VTI1A: variants seen among roughly 807,000 people sequenced by gnomAD.
VTI1A encodes the protein vesicle transport through interaction with t-SNAREs homolog 1A.
Under a neutral mutation model 34.9 loss-of-function variants are expected in VTI1A, and 22 were observed. That is an observed-to-expected ratio of 0.63 (90% CI 0.45 to 0.90). VTI1A has a LOEUF of 0.90. Among genes scored for constraint, VTI1A ranks in the 40% least tolerant of loss-of-function variants. The pLI is 0.00. For missense variants in VTI1A, 268 were observed against 275.6 expected (o/e 0.97, Z 0.20); for synonymous variants, 87 against 97.3 (o/e 0.89, Z 0.62).
In VTI1A at chr10:112,489,888, A is replaced by G. The variant is rs72821885; in HGVS notation, c.264+25231A>G. ...ACTTTGCCTTTTTAATCCCATTTTG[A>G]TCAAATTCCTCACAATAAAAAATAT... is the stretch of plus-strand genomic sequence containing the variant. On this transcript the variant is annotated intron_variant, in intron 3 of 7. Transcript: ENST00000393077. Among the ~76,000 whole-genome samples, 578 of 152,250 alleles carry G rather than the reference A, an allele frequency of 3.8e-3. 2 individuals carry two copies. Among genetic ancestry groups the G allele is most frequent in the Non-Finnish European group, 5.6e-3 (383 of 68,024 alleles).
intron 7 of VTI1A, among the ~76,000 whole-genome samples, chr10:112,770,072 T>G (rs951344657): frequency 1.4e-4 from 22 of 152,102 alleles, no homozygotes; most frequent in Admixed American, 1.2e-3. Context: ...TTTTTTAATT[T>G]CAAACCGAGC....
At chr10:112,500,852 A>T (rs1053546042) in intron 3 of VTI1A, among the ~76,000 whole-genome samples, 2 of 152,064 alleles carry the variant, frequency 1.3e-5, no homozygotes, top group African/African-American at 4.8e-5. Context: ...GGCCTCAGTT[A>T]TTTTATACAT....
intron 7 of VTI1A, among the ~76,000 whole-genome samples, chr10:112,695,650 A>G (rs1436170234): frequency 6.6e-6 from 1 of 152,202 alleles, no homozygotes; most frequent in Admixed American, 6.5e-5. Flanking sequence ...ATTCCAGGAA[A>G]GGTACAAAGC....
intron 7 of VTI1A, among the ~76,000 whole-genome samples, chr10:112,696,617 T>A (rs1848799935): frequency 6.6e-6 from 1 of 152,204 alleles, no homozygotes; most frequent in African/African-American, 2.4e-5. Flanking sequence ...TAAGAAAACC[T>A]ATGAGCAACT....
chr10:112,544,493 G>A (rs765657364), intron 5 of VTI1A, among the ~76,000 whole-genome samples: 6 of 152,104 alleles, frequency 3.9e-5, no homozygotes, highest in Non-Finnish European at 7.3e-5. Context: ...GATCCACCAC[G>A]CCCGGCTGAG....
chr10:112,814,112 A>T (rs938300476), intron 7 of VTI1A, among the ~76,000 whole-genome samples: 1 of 152,230 alleles, frequency 6.6e-6, no homozygotes, highest in African/African-American at 2.4e-5. Context: ...TCATCTAGGA[A>T]GTAGAAAATA....
chr10:112,751,630 C>A lies in VTI1A; in HGVS notation c.561-63660C>A, dbSNP rs141517809. 4.5e-3 allele frequency among the ~76,000 whole-genome samples: 685 copies of A among 152,128 alleles called. 7 individuals are homozygous for A. The highest frequency in any genetic ancestry group is 0.016 in the African/African-American group (655 of 41,478). On this transcript the variant is annotated intron_variant, in intron 7 of 7. Coordinates refer to ENST00000393077, the MANE Select transcript of VTI1A (RefSeq NM_145206.4). ...GTAGTTTCTTTGGAGGCAATTGTAG[C>A]CACTTTTGTAAATAGGACCAATAAA...
intron 7 of VTI1A, among the ~76,000 whole-genome samples, chr10:112,679,532 A>G (rs565218848): frequency 3.9e-5 from 6 of 152,164 alleles, no homozygotes; most frequent in African/African-American, 1.4e-4. Flanking sequence ...TAAAAAGGCT[A>G]ATGACTTCTT....
At chr10:112,722,742 A>G (rs6585180) in intron 7 of VTI1A, among the ~76,000 whole-genome samples, 33,396 of 151,966 alleles carry the variant, frequency 0.22, 8,088 homozygotes, top group African/African-American at 0.6. Context: ...CAAATGAATC[A>G]TATTCTCTAG....
chr10:112,456,277 C>A (rs1847521160), intron 1 of VTI1A, among the ~76,000 whole-genome samples: 1 of 151,998 alleles, frequency 6.6e-6, no homozygotes, highest in East Asian at 1.9e-4. Context: ...CAAAAATTAG[C>A]TGTGTGTGGT....
rs1207081197 is a variant in VTI1A, at chr10:112,657,269, T to C, written c.428-10949T>C. ...AGGCCTGTTCTCTTCCTGTATCCAT[T>C]GTCCTATATTTTTCAGGCTTAATAA... On this transcript the variant is annotated intron_variant, in intron 5 of 7. Transcript: ENST00000393077. 4.6e-5 allele frequency among the ~76,000 whole-genome samples: 7 copies of C among 152,236 alleles called. No individual in the cohort carries two copies. The South Asian group carries it at 1.4e-3, about 32-fold the overall frequency.
rs547034003 is a variant in VTI1A at position 112,688,210 on chromosome 10, T to C, written c.560+19212T>C. On this transcript the variant is annotated intron_variant, in intron 7 of 7. Coordinates refer to ENST00000393077, the MANE Select transcript of VTI1A (RefSeq NM_145206.4). Reference sequence around the variant, plus strand: ...CTCAGGTAATCTGCCCGCCTCAGCCTCCCAAAGTGCTGGGATTATATGTGT... The same window carrying C: ...CTCAGGTAATCTGCCCGCCTCAGCCCCCCAAAGTGCTGGGATTATATGTGT... Among the ~76,000 whole-genome samples, 125 of 152,114 alleles carry C rather than the reference T, an allele frequency of 8.2e-4. 4 individuals carry two copies. The highest frequency in any genetic ancestry group is 7.3e-3 in the Admixed American group (111 of 15,272).
intron 7 of VTI1A, among the ~76,000 whole-genome samples, chr10:112,681,230 C>T (rs1352162778): frequency 6.6e-6 from 1 of 151,926 alleles, no homozygotes; most frequent in Non-Finnish European, 1.5e-5. Flanking sequence ...TACAGGTCCA[C>T]CTCACACACC....
At chr10:112,852,162 G>A in the VTI1A span, among the ~76,000 whole-genome samples, 1 of 152,004 alleles carries the variant, frequency 6.6e-6, no homozygotes, top group Non-Finnish European at 1.5e-5. Context: ...ATACTCTCAT[G>A]GATTAAATAT....
At chr10:112,649,079 A>G (rs994876775) in intron 5 of VTI1A, among the ~76,000 whole-genome samples, 5 of 152,160 alleles carry the variant, frequency 3.3e-5, no homozygotes, top group African/African-American at 9.7e-5. Context: ...TGACTAGCTA[A>G]CTAATAAAGA....
At chr10:112,848,885 G>T in the VTI1A span, among the ~76,000 whole-genome samples, 1 of 152,212 alleles carries the variant, frequency 6.6e-6, no homozygotes, top group Admixed American at 6.5e-5. Flanking sequence ...GAGTTCACTA[G>T]CCATAAAGGG....
intron 7 of VTI1A, among the ~76,000 whole-genome samples, chr10:112,808,761 G>C (rs973251324): frequency 2.6e-5 from 4 of 152,142 alleles, no homozygotes; most frequent in South Asian, 2.1e-4. Flanking sequence ...AGGAAGCAGG[G>C]GTTCAAATAT....
chr10:112,841,054 G>A, the VTI1A span, among the ~76,000 whole-genome samples: 1 of 152,146 alleles, frequency 6.6e-6, no homozygotes, highest in Non-Finnish European at 1.5e-5. Flanking sequence ...CAAAGTGAGA[G>A]GCCAAAGGTT....
intron 5 of VTI1A, among the ~76,000 whole-genome samples, chr10:112,595,755 G>A (rs1242422156): frequency 2.0e-5 from 3 of 149,818 alleles, no homozygotes; most frequent in South Asian, 2.1e-4. Context: ...TCAGTGTGGC[G>A]ATTCCTCAGG....
Sources: allele counts gnomAD v4.1 joint callset (sites outside exome capture counted in the v4.1 genomes callset), GRCh38; gene constraint gnomAD v4.1.1; transcripts MANE v1.5; gene names NCBI Gene and HGNC (gene_info 2026-07-23, HGNC 2026-07-21).